MAGI1: variants seen among roughly 807,000 people sequenced by gnomAD.
The protein encoded by MAGI1 is membrane-associated guanylate kinase, WW and PDZ domain-containing protein 1.
Under a neutral mutation model 139.9 loss-of-function variants are expected in MAGI1, and 58 were observed. The ratio of observed to expected loss-of-function variants is 0.41; its 90% CI spans 0.34 to 0.52. MAGI1 has a LOEUF of 0.52. MAGI1 is among the 20% of genes least tolerant of loss of function. The pLI is 0.12. For missense variants in MAGI1, 1,874 were observed against 1,901.6 expected, an observed-to-expected ratio of 0.99 and a Z score of 0.27; for synonymous variants, 812 against 737.9, an observed-to-expected ratio of 1.10 and a Z score of -1.63.
At chr3:65,999,948 T>C (rs1468548358) in intron 1 of MAGI1, among the ~76,000 whole-genome samples, 3 of 149,360 alleles carry the variant, frequency 2.0e-5, no homozygotes, top group Non-Finnish European at 4.4e-5. Flanking sequence ...GTACTCTGGT[T>C]AATCAGGTCT....
intron 1 of MAGI1, among the ~76,000 whole-genome samples, chr3:65,799,170 A>G (rs2108118344): frequency 6.6e-6 from 1 of 152,326 alleles, no homozygotes; most frequent in Middle Eastern, 3.4e-3. Context: ...TATCTGTGAA[A>G]CTGTAATGAA....
chr3:65,418,803 CCCTCTCCAG>C (rs1390262950), intron 12 of MAGI1, among the ~76,000 whole-genome samples: 16 of 152,298 alleles, frequency 1.1e-4, no homozygotes, highest in Non-Finnish European at 1.5e-4. Context: ...CCACCTCCTC[CCCTCTCCAG>C]CCTCTCCAGC....
chr3:65,600,269 G>A (rs541601242), intron 2 of MAGI1, among the ~76,000 whole-genome samples: 3 of 152,178 alleles, frequency 2.0e-5, no homozygotes, highest in Non-Finnish European at 4.4e-5. Flanking sequence ...AGAGAAAGAA[G>A]GGAACTTTTA....
chr3:65,673,472 G>A (rs1384192083), intron 1 of MAGI1, among the ~76,000 whole-genome samples: 3 of 152,130 alleles, frequency 2.0e-5, no homozygotes, highest in Admixed American at 6.5e-5. Context: ...ATTTGTTGAG[G>A]TGTACCATAT....
intron 1 of MAGI1, among the ~76,000 whole-genome samples, chr3:65,752,955 C>T (rs971917719): frequency 2.0e-5 from 3 of 152,190 alleles, no homozygotes; most frequent in African/African-American, 7.2e-5. Flanking sequence ...CTTGTCCTGG[C>T]TGTATTCAAA....
At chr3:65,412,162 G>A (rs1346027979) in intron 12 of MAGI1, among the ~76,000 whole-genome samples, 1 of 152,048 alleles carries the variant, frequency 6.6e-6, no homozygotes, top group Admixed American at 6.6e-5. Flanking sequence ...TCCTCCTCCT[G>A]GACACACACT....
rs76803753 is a variant in MAGI1 at position 65,636,512 on chromosome 3, T to C, written c.314-14424A>G. Among the ~76,000 whole-genome samples, 1,504 of 152,258 alleles carry C rather than the reference T, an allele frequency of 9.9e-3. 26 individuals are homozygous for C. Among genetic ancestry groups the C allele is most frequent in the African/African-American group, 0.034 (1,398 of 41,542 alleles). Reference sequence around the variant, plus strand: ...AGGACACTCACTGGCCATATGCCAATCTTGACAATGGAAGGTGATTTATGT... The same window carrying C: ...AGGACACTCACTGGCCATATGCCAACCTTGACAATGGAAGGTGATTTATGT... On this transcript the variant is annotated intron_variant, in intron 1 of 22. Transcript: ENST00000402939.
intron 1 of MAGI1, among the ~76,000 whole-genome samples, chr3:66,001,436 G>T (rs570449381): frequency 7.9e-5 from 12 of 152,050 alleles, no homozygotes; most frequent in Admixed American, 2.0e-4. Flanking sequence ...TTTATAAAAC[G>T]ACTGCAATGT....
At chr3:65,554,200 G>A (rs1436452557) in intron 2 of MAGI1, among the ~76,000 whole-genome samples, 1 of 152,118 alleles carries the variant, frequency 6.6e-6, no homozygotes, top group Non-Finnish European at 1.5e-5. Context: ...CTTTGAGAAG[G>A]CATGGTCAAG....
intron 2 of MAGI1, among the ~76,000 whole-genome samples, chr3:65,596,038 C>G (rs2106789508): frequency 2.0e-5 from 3 of 152,286 alleles, no homozygotes; most frequent in Middle Eastern, 6.8e-3. Flanking sequence ...AAGTGATGAG[C>G]TGCGCCTTGT....
chr3:66,016,805 A>T (rs531911791), intron 1 of MAGI1, among the ~76,000 whole-genome samples: 2 of 152,260 alleles, frequency 1.3e-5, no homozygotes, highest in Non-Finnish European at 1.5e-5. Flanking sequence ...ATGGAATATT[A>T]TTCAGACTTT....
At chr3:65,521,680 A>C (rs2078168743) in intron 2 of MAGI1, among the ~76,000 whole-genome samples, 2 of 131,914 alleles carry the variant, frequency 1.5e-5, no homozygotes, top group African/African-American at 4.9e-5. Context: ...CATGGTAATA[A>C]ATGTTATACT....
intron 2 of MAGI1, among the ~76,000 whole-genome samples, chr3:65,558,597 T>C (rs1230440680): frequency 1.3e-5 from 2 of 152,228 alleles, no homozygotes; most frequent in African/African-American, 4.8e-5. Context: ...ACAGAAAAGC[T>C]AAGTTTCACT....
At chr3:65,885,045 A>G (rs774085944) in intron 1 of MAGI1, among the ~76,000 whole-genome samples, 2 of 152,178 alleles carry the variant, frequency 1.3e-5, no homozygotes, top group Non-Finnish European at 2.9e-5. Flanking sequence ...TAAATATTCA[A>G]CAAAAAAATC....
intron 1 of MAGI1, among the ~76,000 whole-genome samples, chr3:65,797,998 A>G (rs996437028): frequency 3.3e-5 from 5 of 152,090 alleles, no homozygotes; most frequent in South Asian, 2.1e-4. Context: ...TGCATCTTCA[A>G]TTCTTCACCT....
intron 2 of MAGI1, among the ~76,000 whole-genome samples, chr3:65,607,014 T>C (rs557616985): frequency 3.3e-5 from 5 of 152,278 alleles, no homozygotes; most frequent in South Asian, 4.1e-4. Context: ...AACACTGATA[T>C]GGGTTTTTAA....
chr3:65,943,501 G>A (rs1458851138), intron 1 of MAGI1, among the ~76,000 whole-genome samples: 1 of 152,002 alleles, frequency 6.6e-6, no homozygotes, highest in Non-Finnish European at 1.5e-5. Context: ...CTTGAACCCG[G>A]GAGGCGGAGC....
intron 1 of MAGI1, among the ~76,000 whole-genome samples, chr3:65,690,794 T>C (rs1377858723): frequency 3.4e-5 from 4 of 116,910 alleles, no homozygotes; most frequent in African/African-American, 1.6e-4. Flanking sequence ...ACATCCAGCC[T>C]AGATCTACAT....
At chr3:65,753,508 G>T (rs1343014551) in intron 1 of MAGI1, among the ~76,000 whole-genome samples, 1 of 151,836 alleles carries the variant, frequency 6.6e-6, no homozygotes, top group African/African-American at 2.4e-5. Context: ...ATCACCTGAG[G>T]TTCAGGAGTT....
Sources: gnomAD v4.1 joint callset for allele counts (sites outside exome capture counted in the v4.1 genomes callset) on GRCh38, gnomAD v4.1.1 for gene constraint, MANE v1.5 for transcripts, NCBI Gene and HGNC (gene_info 2026-07-23, HGNC 2026-07-21) for gene names.